Variants in RAD51B observed in about 807,000 individuals in gnomAD.
RAD51B encodes the protein RAD51 paralog B.
RAD51B carries 38 observed loss-of-function variants against 42.2 expected under a neutral mutation model. The observed-to-expected ratio is 0.90, with a 90% CI of 0.70 to 1.18. The LOEUF (loss-of-function observed/expected upper bound fraction) is 1.18, where lower values mean the gene tolerates loss of function less well. RAD51B is among the 50% of genes most tolerant of loss of function. The pLI, the probability that RAD51B is intolerant of heterozygous loss-of-function variation, is 0.00. For missense variants in RAD51B, 373 were observed against 400.7 expected (o/e 0.93, Z 0.59); for synonymous variants, 154 against 145.2 (o/e 1.06, Z -0.43).
intron 7 of RAD51B, among the ~76,000 whole-genome samples, chr14:68,056,296 T>G (rs1369809450): frequency 1.3e-5 from 2 of 151,998 alleles, no homozygotes; most frequent in Non-Finnish European, 2.9e-5. Flanking sequence ...GTAGCAGGGA[T>G]GCCACCATGC....
chr14:68,344,279 A>T (rs1260840227), intron 8 of RAD51B, among the ~76,000 whole-genome samples: 1 of 152,254 alleles, frequency 6.6e-6, no homozygotes, highest in Non-Finnish European at 1.5e-5. Context: ...AGCCACAGGG[A>T]CAGCGCTGCC....
At chr14:68,606,577 CTG>C (rs2140101183) in intron 10 of RAD51B, among the ~76,000 whole-genome samples, 1 of 152,206 alleles carries the variant, frequency 6.6e-6, no homozygotes, top group Admixed American at 6.5e-5. Context: ...CATGTTTAAA[CTG>C]TGGTTTTGTA....
chr14:68,006,955 C>T (rs943756663), intron 7 of RAD51B, among the ~76,000 whole-genome samples: 4 of 152,130 alleles, frequency 2.6e-5, no homozygotes, highest in East Asian at 1.9e-4. Context: ...TGGAGTTGTG[C>T]GATCACTACC....
intron 8 of RAD51B, among the ~76,000 whole-genome samples, chr14:68,371,893 A>G (rs2083273077): frequency 6.6e-6 from 1 of 152,250 alleles, no homozygotes; most frequent in South Asian, 2.1e-4. Flanking sequence ...CAAGTGGACA[A>G]TGACAAAGCA....
At chr14:68,257,311 A>G (rs1245645762) in intron 7 of RAD51B, among the ~76,000 whole-genome samples, 1 of 152,174 alleles carries the variant, frequency 6.6e-6, no homozygotes, top group Non-Finnish European at 1.5e-5. Context: ...ATTTAATGTC[A>G]CTGAATTATA....
At chr14:68,367,465 A>G (rs1343233459) in intron 8 of RAD51B, among the ~76,000 whole-genome samples, 1 of 152,192 alleles carries the variant, frequency 6.6e-6, no homozygotes, top group Non-Finnish European at 1.5e-5. Flanking sequence ...TTCAATGCCT[A>G]CTATATATCA....
chr14:68,535,965 G>C (rs1477231567), intron 10 of RAD51B, among the ~76,000 whole-genome samples: 1 of 152,194 alleles, frequency 6.6e-6, no homozygotes, highest in Admixed American at 6.5e-5. Context: ...ATGTAAGCCA[G>C]AGTTTAAAAG....
chr14:68,219,626 A>T (rs2079885066), intron 7 of RAD51B, among the ~76,000 whole-genome samples: 1 of 152,156 alleles, frequency 6.6e-6, no homozygotes, highest in African/African-American at 2.4e-5. Context: ...AGGAAGCCGC[A>T]TTCCTGAGAG....
chr14:68,385,872 C>T (rs1422948147), intron 8 of RAD51B, among the ~76,000 whole-genome samples: 1 of 152,102 alleles, frequency 6.6e-6, no homozygotes, highest in Non-Finnish European at 1.5e-5. Flanking sequence ...TTTATTGGTA[C>T]CCAGGAAGTA....
intron 8 of RAD51B, among the ~76,000 whole-genome samples, chr14:68,309,134 C>T (rs562592301): frequency 3.4e-4 from 52 of 152,018 alleles, no homozygotes; most frequent in African/African-American, 4.6e-4. Context: ...ATTTTTTTCA[C>T]GAGTTATCTT....
At chr14:68,006,638 G>A (rs1031761538) in intron 7 of RAD51B, among the ~76,000 whole-genome samples, 2 of 151,942 alleles carry the variant, frequency 1.3e-5, no homozygotes, top group African/African-American at 4.8e-5. Context: ...TATAAGGAGT[G>A]CATCATTTAA....
chr14:67,889,591 T>C (rs899661975), intron 7 of RAD51B, among the ~76,000 whole-genome samples: 1 of 145,078 alleles, frequency 6.9e-6, no homozygotes, highest in Non-Finnish European at 1.5e-5. Flanking sequence ...TTCCCCCCCT[T>C]TCTCTATTTG....
At chr14:68,099,132 C>T (rs1303408529) in intron 7 of RAD51B, among the ~76,000 whole-genome samples, 1 of 152,212 alleles carries the variant, frequency 6.6e-6, no homozygotes, top group African/African-American at 2.4e-5. Context: ...GGGAAAGTCT[C>T]TTTGTTCTCC....
chr14:68,557,468 C>A (rs1255681885), intron 10 of RAD51B, among the ~76,000 whole-genome samples: 1 of 152,162 alleles, frequency 6.6e-6, no homozygotes, highest in South Asian at 2.1e-4. Context: ...TTAGTTGAAT[C>A]ATTATAAGTC....
At chr14:68,348,726 C>T (rs781544807) in intron 8 of RAD51B, among the ~76,000 whole-genome samples, 5 of 152,158 alleles carry the variant, frequency 3.3e-5, no homozygotes, top group Admixed American at 6.5e-5. Context: ...GGTGAAACCC[C>T]GTCTCTACTA....
At chr14:68,648,124 TAC>T (rs1566963602) in intron 10 of RAD51B, among the ~76,000 whole-genome samples, 2 of 64,370 alleles carry the variant, frequency 3.1e-5, no homozygotes, top group East Asian at 2.8e-3. Context: ...TATATATATA[TAC>T]ACACACGTAT....
chr14:67,850,118 T>C (rs913096076), intron 4 of RAD51B, among the ~76,000 whole-genome samples: 1 of 152,096 alleles, frequency 6.6e-6, no homozygotes, highest in African/African-American at 2.4e-5. Context: ...ACCTCAGCCT[T>C]CCAAGTAGCT....
chr14:68,078,528 C>T (rs1199832149), intron 7 of RAD51B, among the ~76,000 whole-genome samples: 1 of 151,834 alleles, frequency 6.6e-6, no homozygotes, highest in Non-Finnish European at 1.5e-5. Context: ...GATGAAGCAG[C>T]TTGTCTAGGT....
intron 10 of RAD51B, among the ~76,000 whole-genome samples, chr14:68,605,381 G>A (rs1164538052): frequency 6.6e-6 from 1 of 152,250 alleles, no homozygotes; most frequent in Non-Finnish European, 1.5e-5. Flanking sequence ...GAACAATGGT[G>A]AGAGTACACT....
Sources: gnomAD v4.1 joint callset for allele counts (sites outside exome capture counted in the v4.1 genomes callset) on GRCh38, gnomAD v4.1.1 for gene constraint, MANE v1.5 for transcripts, NCBI Gene and HGNC (gene_info 2026-07-23, HGNC 2026-07-21) for gene names.